Variants in SYBU observed in about 807,000 individuals in gnomAD.
SYBU encodes GOLSYN A protein.
Under a neutral mutation model 35.9 loss-of-function variants are expected in SYBU, and 21 were observed. That is an observed-to-expected ratio of 0.58 (90% CI 0.41 to 0.84). SYBU has a LOEUF of 0.84. Ranked by LOEUF, SYBU falls within the 40% of genes least tolerant of loss-of-function variation. SYBU has a pLI of 0.00. For synonymous variants in SYBU, 319 were observed against 324.3 expected (o/e 0.98, Z 0.18); for missense variants, 768 against 848.2 (o/e 0.91, Z 1.17).
chr8:109,589,662 A>C (rs1019659274), intron 3 of SYBU, among the ~76,000 whole-genome samples: 1 of 152,238 alleles, frequency 6.6e-6, no homozygotes, highest in African/African-American at 2.4e-5. Flanking sequence ...TAGGATAATA[A>C]GCGTTCTGTG....
chr8:109,600,039 C>T (rs143622538), intron 3 of SYBU, among the ~76,000 whole-genome samples: 21 of 152,168 alleles, frequency 1.4e-4, no homozygotes, highest in African/African-American at 4.8e-4. Flanking sequence ...GATTAGGTGG[C>T]CCTCCTTTAT....
At chr8:109,609,835 T>C (rs1377086331) in intron 3 of SYBU, among the ~76,000 whole-genome samples, 3 of 152,164 alleles carry the variant, frequency 2.0e-5, no homozygotes, top group Non-Finnish European at 4.4e-5. Flanking sequence ...ATATTTACTG[T>C]CTCCCTATGC....
chr8:109,649,526 A>G (rs148244293), upstream of SYBU, among the ~76,000 whole-genome samples: 116 of 152,322 alleles, frequency 7.6e-4, no homozygotes, highest in African/African-American at 2.7e-3. Flanking sequence ...GTGTTCAGTC[A>G]GAGTATTCTC....
chr8:109,651,573 A>C, intron 1 of SYBU, among the ~76,000 whole-genome samples: 1 of 150,258 alleles, frequency 6.7e-6, no homozygotes. Context: ...AACCAGTTGC[A>C]CTAGTTAATG....
intron 3 of SYBU, among the ~76,000 whole-genome samples, 186 bp downstream of exon 3, chr8:109,618,656 A>C (rs1193342549): frequency 6.6e-6 from 1 of 152,196 alleles, no homozygotes; most frequent in African/African-American, 2.4e-5. Flanking sequence ...CACTATAGTT[A>C]CTCAGTTATT....
intron 2 of SYBU, among the ~76,000 whole-genome samples, chr8:109,629,314 C>G (rs528110331): frequency 2.6e-5 from 4 of 152,170 alleles, no homozygotes; most frequent in Admixed American, 2.6e-4. Flanking sequence ...TATTAACTAC[C>G]AAGCACTGTT....
At chr8:109,685,855 A>T (rs1037109570), upstream of SYBU, among the ~76,000 whole-genome samples, 3 of 152,222 alleles carry the variant, frequency 2.0e-5, no homozygotes, top group Non-Finnish European at 4.4e-5. Context: ...GGGACTAAAA[A>T]ATTACGAAAT....
intron 5 of SYBU, among the ~76,000 whole-genome samples, chr8:109,578,607 G>C (rs1297030579): frequency 6.6e-6 from 1 of 152,204 alleles, no homozygotes; most frequent in East Asian, 1.9e-4. Context: ...TTTATGGAGA[G>C]AATAGGGACC....
In SYBU at chr8:109,574,746, G is replaced by C; in HGVS notation, c.*160C>G. 1.4e-6 allele frequency: 1 copy of C among 702,452 alleles called. No individual in the cohort carries two copies. The highest frequency in any genetic ancestry group is 4.0e-5 in the South Asian group (1 of 25,106). The allele number at this position is 702,452 out of a possible 1,614,324, so 43.5% of individuals were successfully genotyped here. Reference sequence around the variant, plus strand: ...TCTCCATGCCTTTGAAGATACCTCCGGTTTTAAACAGTGAACAGGCTTCAA... The same window carrying C: ...TCTCCATGCCTTTGAAGATACCTCCCGTTTTAAACAGTGAACAGGCTTCAA... On this transcript the variant is annotated 3_prime_UTR_variant, in exon 7 of 7. Transcript: ENST00000276646.
intron 1 of SYBU, among the ~76,000 whole-genome samples, chr8:109,669,809 G>A (rs1233615744): frequency 6.6e-6 from 1 of 152,138 alleles, no homozygotes; most frequent in African/African-American, 2.4e-5. Context: ...TTGTTCAAGC[G>A]ATATTGACAT....
intron 3 of SYBU, among the ~76,000 whole-genome samples, chr8:109,595,028 T>C (rs1467219359): frequency 2.0e-5 from 3 of 152,174 alleles, no homozygotes; most frequent in Non-Finnish European, 2.9e-5. Context: ...TGATGTAAGA[T>C]AATATATGTA....
At chr8:109,608,111 G>T in intron 3 of SYBU, 1 of 563,606 alleles carries the variant, frequency 1.8e-6, no homozygotes, top group Non-Finnish European at 3.0e-6. Flanking sequence ...TGGCACCATA[G>T]CAACAGGAGG....
At position 109,673,046 on chromosome 8, in the gene SYBU, A is replaced by G. The variant is rs114855678; in HGVS notation, c.-129+7665T>C. On this transcript the variant is annotated intron_variant, in intron 1 of 5. Coordinates refer to the SYBU transcript ENST00000408889. ...AGCAGCCCCACTCAGGGGCTTATAT[A>G]TAAAATGCCCAACTCTCTCGGACAG... Among the ~76,000 whole-genome samples the G allele has an allele frequency of 4.0e-3, 608 of 152,292 alleles. 7 individuals are homozygous for G. Among genetic ancestry groups the G allele is most frequent in the African/African-American group, 0.014 (591 of 41,558 alleles).
chr8:109,634,594 C>T (rs1300075792), intron 2 of SYBU, among the ~76,000 whole-genome samples: 3 of 152,158 alleles, frequency 2.0e-5, no homozygotes, highest in Non-Finnish European at 4.4e-5. Flanking sequence ...TATATTGTTC[C>T]TGCCTTCATA....
chr8:109,586,989 T>C (rs1286949457), intron 3 of SYBU, among the ~76,000 whole-genome samples: 2 of 152,136 alleles, frequency 1.3e-5, no homozygotes, highest in Admixed American at 1.3e-4. Context: ...AATGGAAACA[T>C]TCCCATACAC....
chr8:109,575,082 T>G lies in SYBU; in HGVS notation c.1816A>C (p.Ser606Arg). The change falls in exon 7 of 7, where the codon AGC becomes CGC. Residue 606 changes from serine (S) to arginine (R), a missense_variant. Ser to Arg is a moderately radical substitution (Grantham distance 110, BLOSUM62 -1). Transcript: ENST00000276646. Reference sequence around the variant, plus strand: ...ACAGCCAGGAGATCCACCAGGAAGCTGCTGCTCCAGTACTGCCTCACGACG... The same window carrying G: ...ACAGCCAGGAGATCCACCAGGAAGCGGCTGCTCCAGTACTGCCTCACGACG... Reference protein sequence around the residue: ...GGVVRQYWSSSFLVDLLAVAA... With the variant: ...GGVVRQYWSSRFLVDLLAVAA... The G allele has an allele frequency of 6.2e-7, 1 of 1,609,754 alleles. No individual in the cohort carries two copies. Among genetic ancestry groups the G allele is most frequent in the Non-Finnish European group, 8.5e-7 (1 of 1,177,190 alleles).
At chr8:109,619,156 T>C in intron 2 of SYBU, 117 bp from the exon 3 acceptor site, 1 of 736,702 alleles carries the variant, frequency 1.4e-6, no homozygotes, top group Non-Finnish European at 2.3e-6. Flanking sequence ...ACTCTGCTTA[T>C]GAAGCCCAGG....
At chr8:109,580,355 A>C (rs191312581) in intron 4 of SYBU, 247 of 213,066 alleles carry the variant, frequency 1.2e-3, no homozygotes, top group Admixed American at 2.7e-3. Flanking sequence ...TTTTCAAGAT[A>C]TGGTTTTTGT....
chr8:109,658,696 GT>G (rs1816448314), intron 1 of SYBU, among the ~76,000 whole-genome samples: 1 of 152,168 alleles, frequency 6.6e-6, no homozygotes, highest in Non-Finnish European at 1.5e-5. Context: ...GCTCATGCCT[GT>G]AATCCCAGCA....
Sources: allele counts gnomAD v4.1 joint callset (sites outside exome capture counted in the v4.1 genomes callset), GRCh38; gene constraint gnomAD v4.1.1; transcripts MANE v1.5; gene names NCBI Gene and HGNC (gene_info 2026-07-23, HGNC 2026-07-21).